The following CES5A variants were observed in gnomAD, a reference collection of about 807,000 sequenced individuals.
CES5A encodes carboxylesterase 5.
In CES5A, 67 loss-of-function variants were observed where a neutral mutation model predicts 62.9. The ratio of observed to expected loss-of-function variants is 1.07; its 90% CI spans 0.88 to 1.31. The LOEUF (loss-of-function observed/expected upper bound fraction) is 1.31, where lower values mean the gene tolerates loss of function less well. CES5A is among the 50% of genes most tolerant of loss of function. The pLI is 0.00. For synonymous variants in CES5A, 296 were observed against 280.8 expected, an observed-to-expected ratio of 1.05 and a Z score of -0.54; for missense variants, 748 against 708.5, an observed-to-expected ratio of 1.06 and a Z score of -0.63.
At chr16:55,903,154 C>T (rs2034007728) in intron 1 of CES5A, among the ~76,000 whole-genome samples, 1 of 151,836 alleles carries the variant, frequency 6.6e-6, no homozygotes, top group African/African-American at 2.4e-5. Context: ...ACAGCTCATA[C>T]ATCCAAAGAT....
intron 1 of CES5A, among the ~76,000 whole-genome samples, chr16:55,888,938 T>C (rs1298156292): frequency 6.6e-6 from 1 of 152,172 alleles, no homozygotes; most frequent in East Asian, 1.9e-4. Flanking sequence ...GCACCCTCAG[T>C]GACCAGCTCA....
At position 55,854,544 on chromosome 16, in the gene CES5A, C is replaced by CT. The variant is rs56017491; in HGVS notation, c.1126-1517dup. Among the ~76,000 whole-genome samples the CT allele has an allele frequency of 8.4e-4, 54 of 64,416 alleles. 4 individuals carry two copies. Among genetic ancestry groups the CT allele is most frequent in the African/African-American group, 1.0e-3 (15 of 14,322 alleles). The allele number at this position is 64,416 out of a possible 152,430, so 42.3% of individuals were successfully genotyped here. Reference sequence around the variant, plus strand: ...CCTGTAGTGTTTCTTTTTTTTTTTTCTTTTTTTTTTTTTGAGACAGAGTCT... The same window carrying CT: ...CCTGTAGTGTTTCTTTTTTTTTTTTCTTTTTTTTTTTTTTGAGACAGAGTCT... On this transcript the variant is annotated intron_variant, in intron 9 of 12. Transcript: ENST00000290567.
At chr16:55,856,000 T>G (rs1156624193) in intron 9 of CES5A, among the ~76,000 whole-genome samples, 1 of 152,116 alleles carries the variant, frequency 6.6e-6, no homozygotes, top group Non-Finnish European at 1.5e-5. Context: ...TTTAAAAGTG[T>G]GTGGCACCTC....
intron 1 of CES5A, among the ~76,000 whole-genome samples, chr16:55,888,048 G>A (rs867767945): frequency 6.6e-6 from 1 of 152,160 alleles, no homozygotes; most frequent in African/African-American, 2.4e-5. Context: ...TTGCACAGAA[G>A]GGCTGTGTCC....
chr16:55,903,375 GA>G (rs1250363811), intron 1 of CES5A, among the ~76,000 whole-genome samples: 5 of 152,086 alleles, frequency 3.3e-5, no homozygotes, highest in Non-Finnish European at 5.9e-5. Context: ...AGTTAATGAA[GA>G]AAAAAAGAAA....
Position 55,875,340 on chromosome 16 carries a change from C to T in CES5A, c.-119G>A. 1 of 1,498,168 alleles carries T rather than the reference C, an allele frequency of 6.7e-7. No individual in the cohort carries two copies. Among genetic ancestry groups the T allele is most frequent in the Non-Finnish European group, 8.9e-7 (1 of 1,128,080 alleles). The allele number at this position is 1,498,168 out of a possible 1,614,324, so 92.8% of individuals were successfully genotyped here. ...CAAATGCTGAATAGGCAGGCAGAGG[C>T]AGCAGAGTTACTGAAGATCAGCATC... On this transcript the variant is annotated 5_prime_UTR_variant, in exon 1 of 13. Coordinates refer to ENST00000290567, the MANE Select transcript of CES5A (RefSeq NM_001143685.2).
At chr16:55,928,369 G>A (rs940499221), upstream of CES5A, among the ~76,000 whole-genome samples, 1 of 152,156 alleles carries the variant, frequency 6.6e-6, no homozygotes, top group African/African-American at 2.4e-5. Flanking sequence ...CTAAGCTATG[G>A]CTTTGCAAAG....
intron 10 of CES5A, 45 bp downstream of exon 10, chr16:55,852,836 G>C (rs199853106): frequency 3.2e-6 from 5 of 1,581,780 alleles, no homozygotes; most frequent in Non-Finnish European, 4.3e-6. Flanking sequence ...GTGGCCACCA[G>C]CCTCACTGGG....
intron 11 of CES5A, among the ~76,000 whole-genome samples, chr16:55,847,746 T>G (rs1475237697): frequency 1.3e-5 from 2 of 152,210 alleles, no homozygotes; most frequent in African/African-American, 4.8e-5. Flanking sequence ...AACATTTATA[T>G]GCAATCATAT....
chr16:55,924,654 T>C (rs1285036912), intron 1 of CES5A, among the ~76,000 whole-genome samples: 1 of 152,118 alleles, frequency 6.6e-6, no homozygotes, highest in Admixed American at 6.5e-5. Flanking sequence ...GGCATCATAC[T>C]ACCTGACTTC....
intron 2 of CES5A, among the ~76,000 whole-genome samples, chr16:55,945,960 A>T (rs925137560): frequency 3.2e-4 from 48 of 151,830 alleles, no homozygotes; most frequent in African/African-American, 1.1e-3. Context: ...GCAATTCCCC[A>T]CCCTGCATGG....
intron 1 of CES5A, among the ~76,000 whole-genome samples, chr16:55,909,743 G>A (rs574942547): frequency 1.6e-4 from 25 of 152,318 alleles, no homozygotes; most frequent in Non-Finnish European, 3.1e-4. Flanking sequence ...CTCTATGTCC[G>A]CTGCACTGGC....
chr16:55,868,375 C>T (rs1238300696), intron 4 of CES5A, among the ~76,000 whole-genome samples: 1 of 152,126 alleles, frequency 6.6e-6, no homozygotes, highest in African/African-American at 2.4e-5. Context: ...TGTGTTGCTA[C>T]CTCCCTCCCA....
intron 1 of CES5A, among the ~76,000 whole-genome samples, chr16:55,918,191 C>T (rs1347179807): frequency 6.6e-6 from 1 of 152,172 alleles, no homozygotes. Flanking sequence ...TGACCAACAT[C>T]TACCCAAGGC....
intron 1 of CES5A, among the ~76,000 whole-genome samples, chr16:55,924,325 C>T (rs1329721813): frequency 6.6e-6 from 1 of 151,762 alleles, no homozygotes; most frequent in Non-Finnish European, 1.5e-5. Context: ...TTTACATTAG[C>T]TACAAAGAAT....
At chr16:55,912,111 ATTCTCATGGGCC>A (rs2034099376) in intron 1 of CES5A, among the ~76,000 whole-genome samples, 1 of 152,120 alleles carries the variant, frequency 6.6e-6, no homozygotes, top group Admixed American at 6.5e-5. Flanking sequence ...AGGAACATGT[ATTCTCATGGGCC>A]TGACTGTCGG....
intron 1 of CES5A, among the ~76,000 whole-genome samples, chr16:55,910,738 A>G (rs1597146237): frequency 1.3e-5 from 2 of 152,346 alleles, no homozygotes; most frequent in Admixed American, 6.5e-5. Flanking sequence ...CTTTCTGGCA[A>G]AGCATGGCTG....
chr16:55,876,195 AG>A (rs1230202763), upstream of CES5A, among the ~76,000 whole-genome samples: 1 of 152,196 alleles, frequency 6.6e-6, no homozygotes, highest in Admixed American at 6.5e-5. Flanking sequence ...GCTCAGCCCT[AG>A]ACCTTCTGTC....
chr16:55,877,874 C>T (rs1339986519), upstream of CES5A, among the ~76,000 whole-genome samples: 1 of 152,174 alleles, frequency 6.6e-6, no homozygotes, highest in Non-Finnish European at 1.5e-5. Context: ...TTCCTGCCCT[C>T]GAGCTGCAGG....
Sources: allele counts gnomAD v4.1 joint callset (sites outside exome capture counted in the v4.1 genomes callset), GRCh38; gene constraint gnomAD v4.1.1; transcripts MANE v1.5; gene names NCBI Gene and HGNC (gene_info 2026-07-23, HGNC 2026-07-21).